SGSM2: variants seen among roughly 807,000 people sequenced by gnomAD.
The protein encoded by SGSM2 is small G protein signaling modulator 2.
In SGSM2, 89 loss-of-function variants were observed where a neutral mutation model predicts 126.6. The ratio of observed to expected loss-of-function variants is 0.70; its 90% CI spans 0.59 to 0.84. The LOEUF (loss-of-function observed/expected upper bound fraction) is 0.84. Ranked by LOEUF, SGSM2 falls within the 40% of genes least tolerant of loss-of-function variation. The pLI is 0.00. For missense variants in SGSM2, 1,404 were observed against 1,416.6 expected, an observed-to-expected ratio of 0.99 and a Z score of 0.14; for synonymous variants, 614 against 574.3, an observed-to-expected ratio of 1.07 and a Z score of -0.99.
chr17:2,339,325 A>G (rs1245175573), intron 1 of SGSM2, among the ~76,000 whole-genome samples: 2 of 151,798 alleles, frequency 1.3e-5, no homozygotes, highest in East Asian at 3.9e-4. Flanking sequence ...AATCCCAGCT[A>G]CTCGGGAGGC....
chr17:2,353,305 C>T (rs554852826), intron 2 of SGSM2, among the ~76,000 whole-genome samples: 1 of 152,240 alleles, frequency 6.6e-6, no homozygotes, highest in East Asian at 1.9e-4. Flanking sequence ...ACGGGCGACC[C>T]AGCCTTCCTG....
At chr17:2,359,888 T>G (rs2065240515) in intron 2 of SGSM2, among the ~76,000 whole-genome samples, 1 of 152,044 alleles carries the variant, frequency 6.6e-6, no homozygotes, top group South Asian at 2.1e-4. Context: ...CAGGAAATGA[T>G]CACCCCCTTT....
intron 13 of SGSM2, chr17:2,371,915 T>C (rs761798680): frequency 2.2e-5 from 11 of 511,584 alleles, no homozygotes; most frequent in Admixed American, 1.4e-4. Flanking sequence ...GCTGCCTCTC[T>C]CCATTTTTCA....
chr17:2,364,496 C>T (rs934096181), intron 8 of SGSM2, 100 bp from the exon 9 acceptor site: 12 of 1,322,112 alleles, frequency 9.1e-6, no homozygotes, highest in Non-Finnish European at 1.1e-5. Context: ...GTCATCCTAT[C>T]TTCAGGGGAG....
At chr17:2,373,109 G>A (rs757739051) in intron 16 of SGSM2, 28 bp downstream of exon 16, 2 of 732,078 alleles carry the variant, frequency 2.7e-6, no homozygotes, top group African/African-American at 4.5e-5. Context: ...CCATGGGGCT[G>A]ATGAGATGGG....
Position 2,363,703 on chromosome 17 carries a change from C to CGG in SGSM2, c.807+110_807+111dup. 6.8e-7 allele frequency: 1 copy of CGG among 1,476,160 alleles called. No individual in the cohort carries two copies. The highest frequency in any genetic ancestry group is 2.2e-5 in the Admixed American group (1 of 46,224). The allele number at this position is 1,476,160 out of a possible 1,614,324, so 91.4% of individuals were successfully genotyped here. On this transcript the variant is annotated intron_variant, in intron 7 of 23. Transcript: ENST00000268989. This position sits in a 1 kb window ranked among gnomAD's most constrained non-coding sequence, Gnocchi z 4.2. ...CTTTCCTGAGGAGCTTGACCAGAGA[C>CGG]GGGGGGGAGAATGGCCCCAGCCTCC... is the stretch of plus-strand genomic sequence containing the variant.
rs1461648711 is a variant in SGSM2, at chr17:2,380,080, G to A, written c.*560G>A. On this transcript the variant is annotated 3_prime_UTR_variant, in exon 24 of 24. Coordinates refer to ENST00000268989, the MANE Select transcript of SGSM2 (RefSeq NM_014853.3). ...GGGAGACCCGGGCCGCCTTCAGGCCGCTCCCCCGAGATTCTGGGGCAGTCG... is the reference window on the plus strand; with the variant it reads ...GGGAGACCCGGGCCGCCTTCAGGCCACTCCCCCGAGATTCTGGGGCAGTCG... The A allele has an allele frequency of 1.1e-5, 15 of 1,401,112 alleles. No individual in the cohort carries two copies. The highest frequency in any genetic ancestry group is 4.4e-5 in the African/African-American group (3 of 68,196). 86.8% of individuals were successfully genotyped at this position (1,401,112 alleles called of 1,614,324 possible).
intron 11 of SGSM2, among the ~76,000 whole-genome samples, chr17:2,366,249 GC>G: frequency 6.6e-6 from 1 of 152,248 alleles, no homozygotes; most frequent in East Asian, 1.9e-4. Context: ...ACACCCCTGG[GC>G]CCAAGGGGGT....
intron 8 of SGSM2, 53 bp downstream of exon 8, chr17:2,364,236 C>A: frequency 2.5e-6 from 4 of 1,609,086 alleles, no homozygotes; most frequent in Non-Finnish European, 2.5e-6. Flanking sequence ...TGGGTTTGAC[C>A]TCAGGCAGAG....
Position 2,377,838 on chromosome 17 carries a change from C to T in SGSM2, c.2803-19C>T. ...TCGGCTCAGGGCTCAGCCTCTCTCC[C>T]TTTTCCCACCCACATAAGATCCTGG... On this transcript the variant is annotated intron_variant, in intron 21 of 23. Transcript: ENST00000268989. 6.4e-7 allele frequency: 1 copy of T among 1,557,118 alleles called. No homozygotes were observed. Among genetic ancestry groups the T allele is most frequent in the Non-Finnish European group, 8.9e-7 (1 of 1,128,878 alleles).
chr17:2,373,725 T>C (rs1353824278), intron 17 of SGSM2: 14 of 571,600 alleles, frequency 2.4e-5, no homozygotes, highest in Middle Eastern at 9.3e-4. Context: ...AGTGAGAGAG[T>C]GCATTGTGCT....
intron 2 of SGSM2, among the ~76,000 whole-genome samples, chr17:2,358,890 T>G (rs1224138712): frequency 4.7e-5 from 7 of 150,402 alleles, no homozygotes; most frequent in Middle Eastern, 3.4e-3. Context: ...TTTTTTTTTT[T>G]TTTTGAGACA....
intron 1 of SGSM2, among the ~76,000 whole-genome samples, chr17:2,338,606 G>A (rs1450003508): frequency 1.3e-5 from 2 of 151,904 alleles, no homozygotes; most frequent in East Asian, 2.0e-4. Flanking sequence ...CCTCTGTTTT[G>A]TCCACTGCCT....
chr17:2,341,789 T>C (rs1243908371), intron 1 of SGSM2, among the ~76,000 whole-genome samples: 1 of 152,200 alleles, frequency 6.6e-6, no homozygotes, highest in African/African-American at 2.4e-5. Context: ...ATAACCAACT[T>C]TGGAGAACAA....
intron 1 of SGSM2, among the ~76,000 whole-genome samples, chr17:2,342,326 A>G (rs972249591): frequency 6.6e-6 from 1 of 151,614 alleles, no homozygotes; most frequent in African/African-American, 2.4e-5. Flanking sequence ...GTGGAGGCTG[A>G]GGCAGGAGAA....
In SGSM2 at chr17:2,372,407, C is replaced by G; in HGVS notation, c.1707C>G (p.Ser569Arg). 2.5e-6 allele frequency: 4 copies of G among 1,597,120 alleles called. No individual in the cohort carries two copies. Among genetic ancestry groups the G allele is most frequent in the Non-Finnish European group, 3.4e-6 (4 of 1,174,054 alleles). ...RTHLSALVHH[S>R]VIPPDRPPGA... The stretch of plus-strand genomic sequence containing the variant: ...ACCTGTCGGCGCTGGTGCACCATAG[C>G]GTTATCCCACCTGACCGGCCCCCGG... The change falls in exon 15 of 24, where the codon AGC becomes AGG. Residue 569 changes from serine to arginine, a missense_variant. Ser to Arg is a moderately radical substitution (Grantham distance 110, BLOSUM62 -1). Transcript: ENST00000268989. The surrounding 1 kb of genome is among the most constrained non-coding windows in gnomAD (Gnocchi z 6.0).
intron 2 of SGSM2, among the ~76,000 whole-genome samples, chr17:2,346,973 C>T (rs919313864): frequency 1.3e-5 from 2 of 152,112 alleles, no homozygotes; most frequent in Non-Finnish European, 2.9e-5. Flanking sequence ...CCTGTAGTCC[C>T]AGCTACTCCA....
At chr17:2,371,753 G>C in intron 13 of SGSM2, 1 of 388,198 alleles carries the variant, frequency 2.6e-6, no homozygotes, top group Non-Finnish European at 4.7e-6. Context: ...TCCCCTTCCC[G>C]ATGTGCACAC....
rs748762956 is a variant in SGSM2, at chr17:2,373,375, G to A, written c.1962G>A (p.Glu654=). The change falls in exon 17 of 24, where the codon GAG becomes GAA. Residue 654 remains glutamate (E), a synonymous_variant. Coordinates refer to ENST00000268989, the MANE Select transcript of SGSM2 (RefSeq NM_014853.3). ...CAAGGTACCAGCAGGTGTTGGCAGA[G>A]TGGAAGGCCTGCGAGGTGGTGGTGA... ...VAARYQQVLA[E]WKACEVVVRQ... The A allele has an allele frequency of 6.2e-7, 1 of 1,613,172 alleles. No individual in the cohort carries two copies. Among genetic ancestry groups the A allele is most frequent in the Non-Finnish European group, 8.5e-7 (1 of 1,179,996 alleles).
Sources: allele counts gnomAD v4.1 joint callset (sites outside exome capture counted in the v4.1 genomes callset), GRCh38; gene constraint gnomAD v4.1.1; non-coding constraint Gnocchi (gnomAD v3.1); transcripts MANE v1.5; gene names NCBI Gene and HGNC (gene_info 2026-07-23, HGNC 2026-07-21).